Variants in SSUH2 observed in about 807,000 individuals in gnomAD.
SSUH2 encodes the protein ssu-2 homolog.
A neutral mutation model predicts 55.3 loss-of-function variants in SSUH2; 47 were observed. The ratio of observed to expected loss-of-function variants is 0.85; its 90% CI spans 0.67 to 1.08. The LOEUF (loss-of-function observed/expected upper bound fraction) is 1.08. Among genes scored for constraint, SSUH2 ranks in the 50% least tolerant of loss-of-function variants. The pLI, the probability that SSUH2 is intolerant of heterozygous loss-of-function variation, is 0.00. For missense variants in SSUH2, 535 were observed against 490.7 expected, an observed-to-expected ratio of 1.09 and a Z score of -0.85; for synonymous variants, 212 against 191.5, an observed-to-expected ratio of 1.11 and a Z score of -0.89.
At chr3:8,660,881 A>G (rs1703414096) in intron 6 of SSUH2, among the ~76,000 whole-genome samples, 3 of 152,230 alleles carry the variant, frequency 2.0e-5, no homozygotes, top group African/African-American at 7.2e-5. Flanking sequence ...TCTCCGTATC[A>G]GTCTCTCCTG....
chr3:8,659,412 A>C (rs1703253813), intron 6 of SSUH2: 1 of 159,760 alleles, frequency 6.3e-6, no homozygotes, highest in South Asian at 1.7e-4. Flanking sequence ...TCAATGCCCC[A>C]CTCCAGCCTC....
intron 6 of SSUH2, among the ~76,000 whole-genome samples, chr3:8,660,485 G>A (rs420830): frequency 0.19 from 28,805 of 152,192 alleles, 3,201 homozygotes; most frequent in Middle Eastern, 0.25. Context: ...TTCAAGAACA[G>A]TTATAAGATA....
chr3:8,626,288 G>A lies in SSUH2; in HGVS notation c.708C>T (p.Thr236=), dbSNP rs899788940. 54 of 1,613,974 alleles carry A rather than the reference G, an allele frequency of 3.3e-5. No homozygotes were observed. The highest frequency in any genetic ancestry group is 4.2e-5 in the Non-Finnish European group (50 of 1,180,008). Residue 236 remains threonine, a synonymous_variant, in exon 9 of 12, where the codon ACC becomes ACT. Coordinates refer to ENST00000544814, the MANE Select transcript of SSUH2 (RefSeq NM_001256748.3). ...TCTTCTCCCCCTTGCAGGTGGCGCA[G>A]GTCTTGTTCCCTCTCCCTGAGCAAG... ...CSTCSGRGNK[T]CATCKGEKKL...
At chr3:8,678,198 C>T (rs553708323) in intron 2 of SSUH2, among the ~76,000 whole-genome samples, 35 of 152,136 alleles carry the variant, frequency 2.3e-4, no homozygotes, top group Admixed American at 1.3e-3. Context: ...TCACCCCCTC[C>T]GCCTTGGAAT....
chr3:8,676,796 AC>A (rs1161582913), intron 3 of SSUH2, among the ~76,000 whole-genome samples: 1 of 147,020 alleles, frequency 6.8e-6, no homozygotes, highest in Non-Finnish European at 1.5e-5. Context: ...GGGGGGAGGC[AC>A]CCCCAGTGAG....
intron 11 of SSUH2, among the ~76,000 whole-genome samples, 166 bp from the exon 12 acceptor site, chr3:8,620,180 T>G (rs568313808): frequency 6.6e-6 from 1 of 152,300 alleles, no homozygotes; most frequent in East Asian, 1.9e-4. Flanking sequence ...TCACCTTGAA[T>G]TATAATAATC....
intron 3 of SSUH2, chr3:8,634,213 C>G: frequency 1.7e-6 from 1 of 573,532 alleles, no homozygotes; most frequent in Admixed American, 3.3e-5. Flanking sequence ...GCCAGAGGAG[C>G]TGCTAGCAAC....
intron 1 of SSUH2, among the ~76,000 whole-genome samples, chr3:8,680,542 T>C (rs371740823): frequency 4.1e-4 from 62 of 152,216 alleles, no homozygotes; most frequent in Admixed American, 6.5e-4. Context: ...TGCGATATCG[T>C]GTGTTATATC....
chr3:8,677,640 C>T (rs1372389668), intron 2 of SSUH2, among the ~76,000 whole-genome samples: 4 of 150,932 alleles, frequency 2.7e-5, no homozygotes, highest in Admixed American at 6.6e-5. Flanking sequence ...AACTGTGGGG[C>T]CCTGGCTGAG....
At chr3:8,633,983 G>C in intron 3 of SSUH2, 188 bp from the exon 4 acceptor site, 1 of 1,600,700 alleles carries the variant, frequency 6.2e-7, no homozygotes, top group Non-Finnish European at 8.5e-7. Context: ...GCGTGAGAAC[G>C]GGGCAGGTTT....
chr3:8,636,411 A>G (rs1186762478), intron 1 of SSUH2, among the ~76,000 whole-genome samples: 3 of 152,180 alleles, frequency 2.0e-5, no homozygotes, highest in Admixed American at 2.0e-4. Flanking sequence ...TGGACCCTCC[A>G]AGCCATATCA....
intron 6 of SSUH2, among the ~76,000 whole-genome samples, chr3:8,663,220 C>G (rs1444480836): frequency 2.6e-5 from 4 of 152,236 alleles, no homozygotes; most frequent in Non-Finnish European, 4.4e-5. Context: ...ACTGAGGTAA[C>G]TTGCCTCAAG....
At position 8,629,868 on chromosome 3, in the gene SSUH2, T is replaced by C. The variant is rs1575099352; in HGVS notation, c.526-142A>G. ...ACAGGAAAGAAATGGCCCTTCCCAT[T>C]TGACTAAGATTCCAGAAGGCTTGAC... On this transcript the variant is annotated intron_variant, in intron 6 of 11. Transcript: ENST00000544814. The C allele has an allele frequency of 5.4e-6, 4 of 742,864 alleles. No homozygotes were observed. The East Asian group carries it at 1.1e-4, about 20-fold the overall frequency. 46.0% of individuals were successfully genotyped at this position (742,864 alleles called of 1,614,324 possible). A position where few individuals can be genotyped will look rare whatever the true frequency, so the allele number is the denominator to read the frequency against.
At chr3:8,661,951 T>G (rs1365577371) in intron 6 of SSUH2, among the ~76,000 whole-genome samples, 2 of 152,222 alleles carry the variant, frequency 1.3e-5, no homozygotes, top group East Asian at 1.9e-4. Context: ...TTTCCCCTTT[T>G]GCTTGGCTCT....
chr3:8,680,388 C>G (rs374411249), intron 1 of SSUH2, among the ~76,000 whole-genome samples: 1 of 152,084 alleles, frequency 6.6e-6, no homozygotes, highest in Non-Finnish European at 1.5e-5. Context: ...CATATCCTCT[C>G]GCTCTCTGGA....
intron 2 of SSUH2, among the ~76,000 whole-genome samples, chr3:8,679,349 C>A (rs9843282): frequency 0.016 from 536 of 32,962 alleles, 129 homozygotes; most frequent in African/African-American, 0.02. Context: ...CCTTGCTCTT[C>A]CGACCCCCAT....
intron 8 of SSUH2, chr3:8,627,282 T>C: frequency 5.9e-6 from 1 of 168,762 alleles, no homozygotes; most frequent in Admixed American, 6.3e-5. Flanking sequence ...TTTCCTTGAC[T>C]CCTCCTCCAT....
At chr3:8,647,155 T>C (rs1701784263), upstream of SSUH2, among the ~76,000 whole-genome samples, 1 of 152,168 alleles carries the variant, frequency 6.6e-6, no homozygotes, top group South Asian at 2.1e-4. Flanking sequence ...AGACTGCAAT[T>C]GAACATGATA....
At chr3:8,680,699 A>G (rs1705879403) in intron 1 of SSUH2, among the ~76,000 whole-genome samples, 1 of 151,940 alleles carries the variant, frequency 6.6e-6, no homozygotes, top group South Asian at 2.1e-4. Flanking sequence ...ATGAAGTCAT[A>G]TCACCCCCTC....
Sources: allele counts gnomAD v4.1 joint callset (sites outside exome capture counted in the v4.1 genomes callset), GRCh38; gene constraint gnomAD v4.1.1; transcripts MANE v1.5; gene names NCBI Gene and HGNC (gene_info 2026-07-23, HGNC 2026-07-21).